ASH1L: variants seen among roughly 807,000 people sequenced by gnomAD.
The protein encoded by ASH1L is ASH1 like histone lysine methyltransferase, also known as histone-lysine N-methyltransferase ASH1L.
Under a neutral mutation model 269.0 loss-of-function variants are expected in ASH1L, and 23 were observed. The ratio of observed to expected loss-of-function variants is 0.09; its 90% CI spans 0.06 to 0.12. ASH1L has a LOEUF of 0.12. ASH1L is among the 10% of genes least tolerant of loss of function. ASH1L has a pLI of 1.00. For synonymous variants in ASH1L, 1,187 were observed against 1,253.5 expected, an observed-to-expected ratio of 0.95 and a Z score of 1.12; for missense variants, 2,912 against 3,567.8, an observed-to-expected ratio of 0.82 and a Z score of 4.68.
At chr1:155,377,699 G>A (rs1322615468) in intron 10 of ASH1L, among the ~76,000 whole-genome samples, 1 of 152,160 alleles carries the variant, frequency 6.6e-6, no homozygotes, top group Non-Finnish European at 1.5e-5. Flanking sequence ...TTTATTAGAT[G>A]CATTAAATAA....
chr1:155,433,984 G>A (rs1439648754), intron 5 of ASH1L: 1 of 1,583,570 alleles, frequency 6.3e-7, no homozygotes, highest in Non-Finnish European at 8.6e-7. Flanking sequence ...AGCAGCTTGG[G>A]CTCGAGAAGG....
intron 5 of ASH1L, among the ~76,000 whole-genome samples, chr1:155,429,199 A>G (rs537481283): frequency 4.6e-5 from 7 of 152,350 alleles, no homozygotes; most frequent in Admixed American, 3.3e-4. Context: ...ATTAACATAC[A>G]TAATTTAACA....
chr1:155,426,387 G>A (rs1661154976), intron 5 of ASH1L, among the ~76,000 whole-genome samples: 1 of 152,010 alleles, frequency 6.6e-6, no homozygotes, highest in African/African-American at 2.4e-5. Context: ...TTTTTTAGTA[G>A]AGACGGGGTT....
At chr1:155,397,368 G>A (rs895665864) in intron 6 of ASH1L, among the ~76,000 whole-genome samples, 22 of 151,428 alleles carry the variant, frequency 1.5e-4, no homozygotes, top group Non-Finnish European at 2.4e-4. Flanking sequence ...GTGGTGGAGC[G>A]CGCTGGTAAT....
At chr1:155,482,969 A>C (rs1666060944) in intron 2 of ASH1L, among the ~76,000 whole-genome samples, 1 of 152,162 alleles carries the variant, frequency 6.6e-6, no homozygotes, top group African/African-American at 2.4e-5. Context: ...GTCTTGAGTG[A>C]GCAGTAGAGC....
chr1:155,507,430 G>A (rs904227855), intron 2 of ASH1L, among the ~76,000 whole-genome samples: 1 of 152,100 alleles, frequency 6.6e-6, no homozygotes, highest in East Asian at 1.9e-4. Context: ...AATTTTACTT[G>A]TAATTCATTG....
rs1429702266 is a variant in ASH1L, at chr1:155,336,281, A to G, written c.*1379T>C. 6.6e-6 allele frequency: 1 copy of G among 152,420 alleles called. No homozygotes were observed. Among genetic ancestry groups the G allele is most frequent in the Non-Finnish European group, 1.5e-5 (1 of 67,964 alleles). 9.4% of individuals were successfully genotyped at this position (152,420 alleles called of 1,614,324 possible). A position where few individuals can be genotyped will look rare whatever the true frequency, so the allele number is the denominator to read the frequency against. ...TAGGACAGCATTGGTCCAATATTAG[A>G]AAAAAGTAATGGGGACATGTTTACT... On this transcript the variant is annotated 3_prime_UTR_variant, in exon 28 of 28. Transcript: ENST00000392403.
intron 7 of ASH1L, among the ~76,000 whole-genome samples, chr1:155,392,931 G>A (rs1306570172): frequency 6.6e-6 from 1 of 150,940 alleles, no homozygotes; most frequent in Non-Finnish European, 1.5e-5. Flanking sequence ...CAAGGGATCC[G>A]CCCACCTCAG....
At chr1:155,448,181 C>A (rs1016669627) in intron 4 of ASH1L, among the ~76,000 whole-genome samples, 7 of 152,194 alleles carry the variant, frequency 4.6e-5, no homozygotes, top group Non-Finnish European at 8.8e-5. Context: ...TTTCTGGGTT[C>A]TCTCTCCTGT....
At chr1:155,362,244 C>T (rs1655028639) in intron 12 of ASH1L, among the ~76,000 whole-genome samples, 1 of 151,914 alleles carries the variant, frequency 6.6e-6, no homozygotes, top group Non-Finnish European at 1.5e-5. Flanking sequence ...TCATGTTGGC[C>T]AGTACGGTCT....
chr1:155,364,261 T>A (rs1655216802), intron 12 of ASH1L, among the ~76,000 whole-genome samples: 1 of 152,142 alleles, frequency 6.6e-6, no homozygotes, highest in Admixed American at 6.6e-5. Flanking sequence ...AGACCTTGTC[T>A]CCAAAAGAAG....
chr1:155,376,947 G>A (rs978429256), intron 10 of ASH1L, among the ~76,000 whole-genome samples: 2 of 150,040 alleles, frequency 1.3e-5, no homozygotes, highest in African/African-American at 4.9e-5. Flanking sequence ...CCCTCTTGTT[G>A]CCCAGGCTGG....
chr1:155,416,021 A>G, intron 5 of ASH1L, 98 bp from the exon 6 acceptor site: 1 of 1,026,632 alleles, frequency 9.7e-7, no homozygotes, highest in Non-Finnish European at 1.4e-6. Flanking sequence ...AATTAAAAAA[A>G]GAGATATGGG....
Position 155,438,635 on chromosome 1 carries a change from C to T in ASH1L, c.5520G>A (p.Arg1840=). The T allele has an allele frequency of 6.2e-7, 1 of 1,614,204 alleles. No individual in the cohort carries two copies. The highest frequency in any genetic ancestry group is 8.5e-7 in the Non-Finnish European group (1 of 1,180,036). ...TACGTTTCACAAAGTTATTCCCTGTCCTGGCCTGCCTTTGAAGTTTTTTGG... is the reference window on the plus strand; with the variant it reads ...TACGTTTCACAAAGTTATTCCCTGTTCTGGCCTGCCTTTGAAGTTTTTTGG... ...LKAKKLQRQA[R]TGNNFVKRRP... is the part of the protein sequence containing the mutation. Residue 1840 remains arginine (R), a synonymous_variant, in exon 5 of 28, where the codon AGG becomes AGA. Coordinates refer to ENST00000392403, the MANE Select transcript of ASH1L (RefSeq NM_018489.3).
At chr1:155,445,925 G>T (rs1476702765) in intron 4 of ASH1L, among the ~76,000 whole-genome samples, 1 of 150,864 alleles carries the variant, frequency 6.6e-6, no homozygotes, top group South Asian at 2.1e-4. Context: ...AAGGGACAAG[G>T]TCTCACTGTT....
intron 2 of ASH1L, among the ~76,000 whole-genome samples, chr1:155,519,309 G>A (rs1427958050): frequency 6.6e-6 from 1 of 152,030 alleles, no homozygotes; most frequent in Non-Finnish European, 1.5e-5. Context: ...GGTGGCACAC[G>A]CCTGTAATCC....
intron 1 of ASH1L, among the ~76,000 whole-genome samples, chr1:155,547,884 G>C (rs950742756): frequency 4.6e-5 from 7 of 152,184 alleles, no homozygotes; most frequent in Non-Finnish European, 1.0e-4. Flanking sequence ...GCTAAAGCAG[G>C]AGAATGGCGT....
intron 8 of ASH1L, among the ~76,000 whole-genome samples, chr1:155,379,356 C>A (rs1656743603): frequency 6.6e-6 from 1 of 152,120 alleles, no homozygotes; most frequent in African/African-American, 2.4e-5. Context: ...AGGGGAATGT[C>A]AATTTTGGCT....
Position 155,562,156 on chromosome 1 carries a change from G to A in ASH1L, c.-103C>T. ...CGGCCCAAATCGTTCTACTCACCGT[G>A]TCGGAGGCCGAGGCCGAGGCCGAGA... On this transcript the variant is annotated 5_prime_UTR_variant, in exon 1 of 28. Transcript: ENST00000392403. 3.8e-6 allele frequency: 6 copies of A among 1,569,486 alleles called. No homozygotes were observed. The highest frequency in any genetic ancestry group is 5.2e-6 in the Non-Finnish European group (6 of 1,145,328).
Sources: gnomAD v4.1 joint callset for allele counts (sites outside exome capture counted in the v4.1 genomes callset) on GRCh38, gnomAD v4.1.1 for gene constraint, MANE v1.5 for transcripts, NCBI Gene and HGNC (gene_info 2026-07-23, HGNC 2026-07-21) for gene names.